CDH18: variants seen among roughly 807,000 people sequenced by gnomAD.
The protein encoded by CDH18 is cadherin 18.
In CDH18, 31 loss-of-function variants were observed where a neutral mutation model predicts 67.9. The ratio of observed to expected loss-of-function variants is 0.46; its 90% CI spans 0.34 to 0.62. The LOEUF (loss-of-function observed/expected upper bound fraction) is 0.62, where lower values mean the gene tolerates loss of function less well. Among genes scored for constraint, CDH18 ranks in the 20% least tolerant of loss-of-function variants. CDH18 has a pLI of 0.01. For missense variants in CDH18, 890 were observed against 975.5 expected, an observed-to-expected ratio of 0.91 and a Z score of 1.17; for synonymous variants, 362 against 347.2, an observed-to-expected ratio of 1.04 and a Z score of -0.48.
intron 2 of CDH18, among the ~76,000 whole-genome samples, chr5:19,899,719 GAATA>G (rs1301065219): frequency 6.6e-6 from 1 of 151,716 alleles, no homozygotes; most frequent in African/African-American, 2.4e-5. Flanking sequence ...ATGGATGAAT[GAATA>G]AAGAAAATGT....
At chr5:20,428,414 T>C (rs1438536458) in intron 1 of CDH18, among the ~76,000 whole-genome samples, 2 of 152,218 alleles carry the variant, frequency 1.3e-5, no homozygotes, top group African/African-American at 4.8e-5. Context: ...TATATGTGCA[T>C]AGGTCTTTAT....
chr5:19,839,012 TTTTCCTTCC>T lies in CDH18; in HGVS notation c.-35_-27del. The T allele has an allele frequency of 6.4e-7, 1 of 1,569,886 alleles. No individual in the cohort carries two copies. Among genetic ancestry groups the T allele is most frequent in the Non-Finnish European group, 8.8e-7 (1 of 1,140,448 alleles). ...TGTAAGATAACTTTCCAGTTCACAG[TTTTCCTTCC>T]TTTCCTTGTCAGCTACGAAAGCTTA... On this transcript the variant is annotated 5_prime_UTR_variant, in exon 3 of 13. Transcript: ENST00000382275.
intron 1 of CDH18, among the ~76,000 whole-genome samples, chr5:20,543,216 T>A (rs1508552): frequency 0.44 from 66,925 of 151,860 alleles, 15,178 homozygotes; most frequent in East Asian, 0.57. Flanking sequence ...TGCTATTTAA[T>A]AATTATATTT....
At chr5:20,412,684 G>A (rs1054807086) in intron 1 of CDH18, among the ~76,000 whole-genome samples, 2 of 152,052 alleles carry the variant, frequency 1.3e-5, no homozygotes, top group Non-Finnish European at 2.9e-5. Context: ...CAAAGGACAC[G>A]AACACGTCTC....
intron 10 of CDH18, among the ~76,000 whole-genome samples, chr5:19,517,260 CTCTT>C (rs1746178016): frequency 6.6e-6 from 1 of 152,034 alleles, no homozygotes; most frequent in Non-Finnish European, 1.5e-5. Context: ...TGCTGGTTGG[CTCTT>C]TCTATGTCCT....
At chr5:19,669,554 G>C (rs1758456481) in intron 5 of CDH18, among the ~76,000 whole-genome samples, 1 of 152,002 alleles carries the variant, frequency 6.6e-6, no homozygotes, top group Non-Finnish European at 1.5e-5. Flanking sequence ...GCCTCCCAAA[G>C]TGCTGGGATT....
chr5:20,063,422 C>A (rs1052368244), intron 2 of CDH18, among the ~76,000 whole-genome samples: 1 of 151,956 alleles, frequency 6.6e-6, no homozygotes, highest in African/African-American at 2.4e-5. Context: ...ACTGTGTATG[C>A]ATTATTTATG....
chr5:19,992,113 G>C (rs1442331233), upstream of CDH18: 2 of 151,112 alleles, frequency 1.3e-5, no homozygotes, highest in Non-Finnish European at 2.9e-5. Context: ...AAAGATAACC[G>C]TATGTGCAAT....
chr5:19,628,590 A>T (rs1309196857), intron 5 of CDH18, among the ~76,000 whole-genome samples: 1 of 152,126 alleles, frequency 6.6e-6, no homozygotes, highest in Non-Finnish European at 1.5e-5. Flanking sequence ...AGGATGATCC[A>T]AAGTGTTTGA....
At chr5:20,053,722 T>C (rs1741650310) in intron 2 of CDH18, among the ~76,000 whole-genome samples, 1 of 152,108 alleles carries the variant, frequency 6.6e-6, no homozygotes, top group Non-Finnish European at 1.5e-5. Flanking sequence ...TAACTCTGAT[T>C]GTCAAAATGA....
chr5:20,045,781 A>G (rs1298233922), intron 2 of CDH18, among the ~76,000 whole-genome samples: 3 of 152,008 alleles, frequency 2.0e-5, no homozygotes, highest in Admixed American at 2.0e-4. Context: ...GGGAAAGAAC[A>G]AAGAATCTGG....
At position 20,544,473 on chromosome 5, in the gene CDH18, A is replaced by G. The variant is rs75895811; in HGVS notation, c.-580+30989T>C. Among the ~76,000 whole-genome samples, 1,178 of 152,300 alleles carry G rather than the reference A, an allele frequency of 7.7e-3. 11 individuals are homozygous for G. The highest frequency in any genetic ancestry group is 0.027 in the African/African-American group (1,121 of 41,580). ...GTAATTTATAAAGAAAGGATAGTTA[A>G]TTGACTCATAGTTCCATATGGCTGG... On this transcript the variant is annotated intron_variant, in intron 1 of 14. Transcript: ENST00000507958.
intron 1 of CDH18, among the ~76,000 whole-genome samples, chr5:20,433,903 A>G (rs888242450): frequency 1.3e-5 from 2 of 152,250 alleles, no homozygotes; most frequent in South Asian, 2.1e-4. Context: ...CTCTTGTACT[A>G]TAAAAGCTGA....
chr5:20,250,451 C>T (rs1297270073), intron 2 of CDH18, among the ~76,000 whole-genome samples: 5 of 151,844 alleles, frequency 3.3e-5, no homozygotes, highest in African/African-American at 1.2e-4. Context: ...CGCCACCACG[C>T]CCAGTTAATT....
chr5:20,078,884 G>A (rs1744204710), intron 2 of CDH18, among the ~76,000 whole-genome samples: 1 of 152,146 alleles, frequency 6.6e-6, no homozygotes, highest in Admixed American at 6.5e-5. Flanking sequence ...CCAAAGTGCT[G>A]GGATTACAGG....
intron 1 of CDH18, among the ~76,000 whole-genome samples, chr5:20,438,760 T>C (rs1176258323): frequency 1.3e-5 from 2 of 151,496 alleles, no homozygotes; most frequent in Non-Finnish European, 3.0e-5. Flanking sequence ...ATCTCCTGAA[T>C]ATTTCACTCT....
At chr5:19,718,355 T>C (rs1765596618) in intron 5 of CDH18, among the ~76,000 whole-genome samples, 3 of 152,028 alleles carry the variant, frequency 2.0e-5, no homozygotes, top group African/African-American at 7.2e-5. Context: ...TAAGTGATAC[T>C]ATTAATATAC....
At chr5:19,931,485 T>C (rs1793686535) in intron 2 of CDH18, among the ~76,000 whole-genome samples, 1 of 151,954 alleles carries the variant, frequency 6.6e-6, no homozygotes, top group Non-Finnish European at 1.5e-5. Flanking sequence ...TTAGGGCCAT[T>C]GCTGTTACTA....
chr5:19,828,320 C>A (rs759896837), intron 3 of CDH18, among the ~76,000 whole-genome samples: 1 of 152,050 alleles, frequency 6.6e-6, no homozygotes, highest in Non-Finnish European at 1.5e-5. Flanking sequence ...CCTATAGAAA[C>A]TATTTCAAAA....
Sources: allele counts gnomAD v4.1 joint callset (sites outside exome capture counted in the v4.1 genomes callset), GRCh38; gene constraint gnomAD v4.1.1; transcripts MANE v1.5; gene names NCBI Gene and HGNC (gene_info 2026-07-23, HGNC 2026-07-21).